The following TMEM132C variants were observed in gnomAD, a reference collection of about 807,000 sequenced individuals.
TMEM132C encodes transmembrane protein 132C, also known as protein phosphatase 1, regulatory subunit 152.
TMEM132C carries 29 observed loss-of-function variants against 61.4 expected under a neutral mutation model. That is an observed-to-expected ratio of 0.47 (90% CI 0.35 to 0.64). The LOEUF is 0.64. Ranked by LOEUF, TMEM132C falls within the 30% of genes least tolerant of loss-of-function variation. The pLI is 0.00. For synonymous variants in TMEM132C, 656 were observed against 633.1 expected (o/e 1.04, Z -0.54); for missense variants, 1,408 against 1,476.9 (o/e 0.95, Z 0.76).
chr12:128,666,627 G>A (rs1237139967), intron 4 of TMEM132C, among the ~76,000 whole-genome samples: 1 of 152,184 alleles, frequency 6.6e-6, no homozygotes, highest in African/African-American at 2.4e-5. Context: ...AAAGCAAGGA[G>A]CGGAATCCAG....
chr12:128,554,732 C>T (rs1160371514), intron 3 of TMEM132C, among the ~76,000 whole-genome samples: 1 of 152,152 alleles, frequency 6.6e-6, no homozygotes, highest in East Asian at 1.9e-4. Context: ...TCATTTTCAC[C>T]ACACGAGCCC....
intron 1 of TMEM132C, among the ~76,000 whole-genome samples, chr12:128,323,483 G>A (rs573553398): frequency 2.6e-5 from 4 of 152,354 alleles, no homozygotes; most frequent in South Asian, 4.1e-4. Context: ...AGCCTTGCTC[G>A]TTGGGGGACC....
chr12:128,508,174 A>T (rs113752108), intron 2 of TMEM132C, among the ~76,000 whole-genome samples: 1 of 152,184 alleles, frequency 6.6e-6, no homozygotes, highest in Non-Finnish European at 1.5e-5. Flanking sequence ...ATCATGGCAG[A>T]AGGCGATGAG....
intron 2 of TMEM132C, among the ~76,000 whole-genome samples, chr12:128,502,626 C>T (rs766462626): frequency 6.6e-6 from 1 of 152,306 alleles, no homozygotes; most frequent in African/African-American, 2.4e-5. Flanking sequence ...CGACCAGCTG[C>T]GATGTGCCTC....
intron 2 of TMEM132C, among the ~76,000 whole-genome samples, chr12:128,495,149 G>A (rs1170033678): frequency 6.6e-6 from 1 of 151,438 alleles, no homozygotes; most frequent in Non-Finnish European, 1.5e-5. Context: ...GTAGTTGAGT[G>A]GTTTTGAGTG....
chr12:128,518,374 C>T (rs903266971), intron 2 of TMEM132C, among the ~76,000 whole-genome samples: 3 of 152,172 alleles, frequency 2.0e-5, no homozygotes, highest in Non-Finnish European at 4.4e-5. Context: ...GTTCAGGCGG[C>T]GTCCTTGGAA....
At chr12:128,545,951 T>C (rs772126658) in intron 3 of TMEM132C, among the ~76,000 whole-genome samples, 3 of 152,236 alleles carry the variant, frequency 2.0e-5, no homozygotes, top group Non-Finnish European at 4.4e-5. Flanking sequence ...ACACATTTTC[T>C]TAAGTGACAG....
chr12:128,668,980 A>G (rs1352952742), intron 4 of TMEM132C, among the ~76,000 whole-genome samples: 2 of 152,182 alleles, frequency 1.3e-5, no homozygotes, highest in Non-Finnish European at 2.9e-5. Context: ...TTACCATGTA[A>G]GGTAACATTC....
At chr12:128,334,226 T>G (rs1252275261) in intron 1 of TMEM132C, among the ~76,000 whole-genome samples, 1 of 152,212 alleles carries the variant, frequency 6.6e-6, no homozygotes, top group Non-Finnish European at 1.5e-5. Flanking sequence ...TGGCAGCAGT[T>G]ACATAAGTAC....
At chr12:128,507,575 C>T (rs746766979) in intron 2 of TMEM132C, among the ~76,000 whole-genome samples, 3 of 151,984 alleles carry the variant, frequency 2.0e-5, no homozygotes, top group Non-Finnish European at 4.4e-5. Context: ...GAAAAATCTC[C>T]GTGAGTCCCA....
chr12:128,386,430 C>G (rs1874585137), intron 1 of TMEM132C, among the ~76,000 whole-genome samples: 1 of 152,242 alleles, frequency 6.6e-6, no homozygotes, highest in African/African-American at 2.4e-5. Context: ...AAACTTCCCT[C>G]CACATTTTCC....
chr12:128,561,073 T>C (rs1363018730), intron 3 of TMEM132C, among the ~76,000 whole-genome samples: 1 of 152,234 alleles, frequency 6.6e-6, no homozygotes, highest in Non-Finnish European at 1.5e-5. Flanking sequence ...CCATGGCTTC[T>C]TTCCTTCCCC....
intron 1 of TMEM132C, among the ~76,000 whole-genome samples, chr12:128,304,825 C>A (rs1210802590): frequency 6.6e-6 from 1 of 152,166 alleles, no homozygotes; most frequent in African/African-American, 2.4e-5. Flanking sequence ...AAAGGTGCAT[C>A]TGGCCACTTC....
At chr12:128,552,624 C>G (rs990372463) in intron 3 of TMEM132C, among the ~76,000 whole-genome samples, 1 of 152,112 alleles carries the variant, frequency 6.6e-6, no homozygotes, top group Non-Finnish European at 1.5e-5. Flanking sequence ...ACATAAAAAT[C>G]CTGGCCAGGT....
intron 1 of TMEM132C, among the ~76,000 whole-genome samples, chr12:128,283,783 T>G (rs1325442752): frequency 6.6e-6 from 1 of 152,086 alleles, no homozygotes; most frequent in African/African-American, 2.4e-5. Flanking sequence ...GGCCAGGCCA[T>G]TTCCCCTGCC....
intron 1 of TMEM132C, among the ~76,000 whole-genome samples, chr12:128,280,228 T>A (rs1870844580): frequency 6.6e-6 from 1 of 152,186 alleles, no homozygotes; most frequent in Non-Finnish European, 1.5e-5. Context: ...TCCAGGGAAG[T>A]GCCCCCGTCA....
intron 3 of TMEM132C, among the ~76,000 whole-genome samples, chr12:128,586,828 A>G (rs1181167498): frequency 1.3e-5 from 2 of 152,196 alleles, no homozygotes; most frequent in Non-Finnish European, 2.9e-5. Flanking sequence ...GCTCAGACTC[A>G]GCAAAAGCCC....
At chr12:128,308,787 C>T (rs1411585801) in intron 1 of TMEM132C, among the ~76,000 whole-genome samples, 1 of 152,194 alleles carries the variant, frequency 6.6e-6, no homozygotes, top group Non-Finnish European at 1.5e-5. Flanking sequence ...TGCTGGTCAG[C>T]TCCACAGCAG....
At chr12:128,642,947 C>T (rs1954168524) in intron 4 of TMEM132C, among the ~76,000 whole-genome samples, 1 of 152,166 alleles carries the variant, frequency 6.6e-6, no homozygotes, top group Admixed American at 6.5e-5. Context: ...GGAGAGTTTT[C>T]GCAAGTGTCC....
Sources: gnomAD v4.1 joint callset for allele counts (sites outside exome capture counted in the v4.1 genomes callset) on GRCh38, gnomAD v4.1.1 for gene constraint, MANE v1.5 for transcripts, NCBI Gene and HGNC (gene_info 2026-07-23, HGNC 2026-07-21) for gene names.